The following PDZRN4 variants were observed in gnomAD, a reference collection of about 807,000 sequenced individuals.
PDZRN4 encodes the protein PDZ domain-containing RING finger protein 4.
A neutral mutation model predicts 99.0 loss-of-function variants in PDZRN4; 70 were observed. That is an observed-to-expected ratio of 0.71 (90% confidence interval 0.58 to 0.86). The LOEUF is 0.86. Ranked by LOEUF, PDZRN4 falls within the 40% of genes least tolerant of loss-of-function variation. The pLI, the probability that PDZRN4 is intolerant of heterozygous loss-of-function variation, is 0.00. For synonymous variants in PDZRN4, 551 were observed against 501.6 expected, an observed-to-expected ratio of 1.10 and a Z score of -1.32; for missense variants, 1,474 against 1,331.2, an observed-to-expected ratio of 1.11 and a Z score of -1.67.
At chr12:41,539,268 T>C (rs1322364213) in intron 5 of PDZRN4, among the ~76,000 whole-genome samples, 1 of 151,952 alleles carries the variant, frequency 6.6e-6, no homozygotes, top group Non-Finnish European at 1.5e-5. Flanking sequence ...TATCCTGAGT[T>C]TTTTGGGAAA....
chr12:41,298,062 A>C (rs75254505), intron 3 of PDZRN4, among the ~76,000 whole-genome samples: 3 of 152,140 alleles, frequency 2.0e-5, no homozygotes, highest in Non-Finnish European at 4.4e-5. Flanking sequence ...TCTGTCCTAC[A>C]GAATACAGAA....
At chr12:41,479,651 T>C (rs1198887366) in intron 3 of PDZRN4, among the ~76,000 whole-genome samples, 3 of 152,150 alleles carry the variant, frequency 2.0e-5, no homozygotes, top group Non-Finnish European at 4.4e-5. Context: ...TCTGGAAAGA[T>C]GGTTAGATGC....
intron 3 of PDZRN4, among the ~76,000 whole-genome samples, chr12:41,461,219 A>G (rs1952870766): frequency 1.3e-5 from 2 of 151,532 alleles, no homozygotes; most frequent in African/African-American, 4.9e-5. Context: ...TTTTTTTTCA[A>G]CTTTCATTTT....
chr12:41,456,345 G>T (rs1006314729), intron 3 of PDZRN4, among the ~76,000 whole-genome samples: 14 of 151,548 alleles, frequency 9.2e-5, no homozygotes, highest in African/African-American at 1.5e-4. Flanking sequence ...AGAATGAATG[G>T]TTGTTTATTC....
chr12:41,545,067 A>T (rs79037705), intron 5 of PDZRN4, among the ~76,000 whole-genome samples: 1 of 152,204 alleles, frequency 6.6e-6, no homozygotes, highest in African/African-American at 2.4e-5. Context: ...TAATCCCTCC[A>T]ACTCACCCAC....
chr12:41,200,734 A>G (rs2120663357), intron 3 of PDZRN4, among the ~76,000 whole-genome samples: 1 of 152,230 alleles, frequency 6.6e-6, no homozygotes. Context: ...TGGGGCCTTA[A>G]CATACTGGTT....
intron 3 of PDZRN4, among the ~76,000 whole-genome samples, chr12:41,453,026 T>C (rs60903037): frequency 0.063 from 9,657 of 152,128 alleles, 746 homozygotes; most frequent in East Asian, 0.18. Flanking sequence ...CCCCTGCTGA[T>C]CTGATGGCAG....
chr12:41,570,004 T>C, intron 9 of PDZRN4, among the ~76,000 whole-genome samples: 1 of 151,960 alleles, frequency 6.6e-6, no homozygotes, highest in East Asian at 1.9e-4. Flanking sequence ...AGATACAAAA[T>C]GTGACCTGAT....
At chr12:41,292,860 A>G (rs1951465101) in intron 3 of PDZRN4, among the ~76,000 whole-genome samples, 1 of 151,994 alleles carries the variant, frequency 6.6e-6, no homozygotes, top group South Asian at 2.1e-4. Context: ...AAAATTGGCT[A>G]AGGGTTTTAA....
rs530860068 is a variant in PDZRN4, at chr12:41,358,944, A to C, written c.844-147512A>C. Among the ~76,000 whole-genome samples the C allele has an allele frequency of 5.9e-5, 9 of 152,036 alleles. No homozygotes were observed. In the South Asian group the frequency reaches 1.7e-3, roughly 28 times the overall value. On this transcript the variant is annotated intron_variant, in intron 3 of 9. Transcript: ENST00000402685. ...TGAAACAATTGGCCTTTACTTATTA[A>C]ATTTATTTAAATTATTTAATTTAAT...
chr12:41,382,729 C>G (rs1952136484), intron 3 of PDZRN4, among the ~76,000 whole-genome samples: 1 of 152,158 alleles, frequency 6.6e-6, no homozygotes, highest in Non-Finnish European at 1.5e-5. Flanking sequence ...TGTAAATGCA[C>G]TGATCTTTTT....
intron 3 of PDZRN4, among the ~76,000 whole-genome samples, chr12:41,399,697 T>C (rs1277914262): frequency 6.6e-6 from 1 of 151,600 alleles, no homozygotes; most frequent in Non-Finnish European, 1.5e-5. Context: ...GATTGTGCCA[T>C]TGCACTCCAG....
At chr12:41,303,047 C>T (rs1439266207) in intron 3 of PDZRN4, among the ~76,000 whole-genome samples, 2 of 151,758 alleles carry the variant, frequency 1.3e-5, no homozygotes, top group African/African-American at 2.4e-5. Flanking sequence ...TAATACTGGC[C>T]CTAGTACTGA....
chr12:41,394,725 A>T (rs1052063179), intron 3 of PDZRN4, among the ~76,000 whole-genome samples: 2 of 152,002 alleles, frequency 1.3e-5, no homozygotes, highest in Non-Finnish European at 2.9e-5. Context: ...ATGCACCATC[A>T]TAGATTTTCT....
chr12:41,484,200 G>A (rs1353079265), intron 3 of PDZRN4, among the ~76,000 whole-genome samples: 1 of 152,054 alleles, frequency 6.6e-6, no homozygotes, highest in East Asian at 1.9e-4. Flanking sequence ...TGAGGGACAA[G>A]GTGAAATTGA....
intron 3 of PDZRN4, among the ~76,000 whole-genome samples, chr12:41,265,851 GT>G (rs1951272405): frequency 1.3e-5 from 2 of 148,474 alleles, no homozygotes; most frequent in South Asian, 4.2e-4. Context: ...AGGGGAAATA[GT>G]TTACATTGAA....
chr12:41,314,959 A>G (rs41472447), intron 3 of PDZRN4, among the ~76,000 whole-genome samples: 6,953 of 152,200 alleles, frequency 0.046, 531 homozygotes, highest in African/African-American at 0.16. Flanking sequence ...CAAGAATGGT[A>G]ACTCATGCAG....
chr12:41,530,541 T>C (rs1240506975), intron 5 of PDZRN4, among the ~76,000 whole-genome samples: 1 of 152,152 alleles, frequency 6.6e-6, no homozygotes, highest in African/African-American at 2.4e-5. Flanking sequence ...GGCGTTTGGG[T>C]GTTTTAGTTT....
At chr12:41,430,466 TAAAAAAA>T (rs528553273) in intron 3 of PDZRN4, among the ~76,000 whole-genome samples, 1 of 135,118 alleles carries the variant, frequency 7.4e-6, no homozygotes, top group Admixed American at 7.6e-5. Flanking sequence ...AGACTCCATC[TAAAAAAA>T]AAAAAAAGAA....
Sources: gnomAD v4.1 joint callset for allele counts (sites outside exome capture counted in the v4.1 genomes callset) on GRCh38, gnomAD v4.1.1 for gene constraint, MANE v1.5 for transcripts, NCBI Gene and HGNC (gene_info 2026-07-23, HGNC 2026-07-21) for gene names.